Variants in GALM observed in about 807,000 individuals in gnomAD.
GALM encodes the protein galactose mutarotase.
In GALM, 43 loss-of-function variants were observed where a neutral mutation model predicts 37.4. The ratio of observed to expected loss-of-function variants is 1.15; its 90% CI spans 0.90 to 1.48. GALM has a LOEUF of 1.48. Ranked by LOEUF, GALM falls within the 40% of genes most tolerant of loss-of-function variation. The pLI, the probability that GALM is intolerant of heterozygous loss-of-function variation, is 0.00. For missense variants in GALM, 456 were observed against 419.1 expected, an observed-to-expected ratio of 1.09 and a Z score of -0.77; for synonymous variants, 199 against 170.6, an observed-to-expected ratio of 1.17 and a Z score of -1.30.
chr2:38,733,995 A>T lies in GALM; in HGVS notation c.*430A>T. On this transcript the variant is annotated 3_prime_UTR_variant, in exon 7 of 7. Transcript: ENST00000272252. ...GCACTCTGGAGTTTTCAAATGTCAC[A>T]TTAGCCTCACCCTGCATGCTAGGAG... 3.8e-6 allele frequency: 1 copy of T among 261,006 alleles called. No individual in the cohort carries two copies. Among genetic ancestry groups the T allele is most frequent in the South Asian group, 5.0e-5 (1 of 19,874 alleles). 16.2% of individuals were successfully genotyped at this position (261,006 alleles called of 1,614,324 possible).
chr2:38,705,448 T>C (rs949685054), intron 4 of GALM, among the ~76,000 whole-genome samples: 1 of 152,140 alleles, frequency 6.6e-6, no homozygotes, highest in Admixed American at 6.5e-5. Context: ...GAGAACCTAA[T>C]GTGGTCAGAG....
chr2:38,672,833 C>T (rs1167669627), intron 1 of GALM, among the ~76,000 whole-genome samples: 1 of 151,384 alleles, frequency 6.6e-6, no homozygotes, highest in Non-Finnish European at 1.5e-5. Context: ...ATGGTGAAAA[C>T]CCATCTCTAT....
chr2:38,732,001 T>A, intron 6 of GALM, 92 bp downstream of exon 6: 1 of 1,063,642 alleles, frequency 9.4e-7, no homozygotes, highest in Non-Finnish European at 1.4e-6. Context: ...CTTGTATGAT[T>A]CAAAAGTTCA....
At chr2:38,675,524 TTGTTTTTTTTTTTTTTTTTTG>T (rs1473971753) in intron 1 of GALM, among the ~76,000 whole-genome samples, 39 of 96,864 alleles carry the variant, frequency 4.0e-4, no homozygotes, top group African/African-American at 1.6e-3. Flanking sequence ...GAGGGTTTTT[TTGTTTTTTTTTTTTTTTTTTG>T]TGTGTGTGTG....
chr2:38,672,551 C>T (rs1223746903), intron 1 of GALM, among the ~76,000 whole-genome samples: 12 of 152,104 alleles, frequency 7.9e-5, no homozygotes, highest in Admixed American at 7.9e-4. Flanking sequence ...TAATTTGATA[C>T]TGAAGAACAT....
intron 4 of GALM, among the ~76,000 whole-genome samples, chr2:38,722,054 C>T (rs1215077028): frequency 4.1e-5 from 5 of 122,084 alleles, no homozygotes; most frequent in African/African-American, 8.9e-5. Flanking sequence ...CCCCCCCCCA[C>T]CTAGAACAGA....
intron 3 of GALM, among the ~76,000 whole-genome samples, chr2:38,683,109 G>A (rs1665438522): frequency 6.6e-6 from 1 of 152,054 alleles, no homozygotes; most frequent in African/African-American, 2.4e-5. Context: ...ATAGGGAGGG[G>A]AGATCTAAAG....
chr2:38,678,355 T>C (rs1665311141), intron 2 of GALM, among the ~76,000 whole-genome samples: 1 of 151,916 alleles, frequency 6.6e-6, no homozygotes, highest in Admixed American at 6.6e-5. Context: ...GGATTTGAAA[T>C]GGTATAAGAA....
At chr2:38,676,738 G>A (rs1387233467) in intron 2 of GALM, among the ~76,000 whole-genome samples, 1 of 152,132 alleles carries the variant, frequency 6.6e-6, no homozygotes. Context: ...ACTCCAGCCT[G>A]GGCAACAGAG....
rs568308908 is a variant in GALM, at chr2:38,731,322, G to A, written c.777-413G>A. 2.9e-4 allele frequency among the ~76,000 whole-genome samples: 44 copies of A among 149,306 alleles called. 1 individual carries two copies. The highest frequency in any genetic ancestry group is 2.8e-3 in the South Asian group (13 of 4,656). ...TGAAGTGGGAGAATTGCTTGAGCCC[G>A]GGAGGCTGAGGTTGCAGTGAGCCGA... On this transcript the variant is annotated intron_variant, in intron 5 of 6. Transcript: ENST00000272252.
intron 1 of GALM, among the ~76,000 whole-genome samples, chr2:38,673,429 A>C (rs1009648238): frequency 6.6e-6 from 1 of 152,206 alleles, no homozygotes; most frequent in Non-Finnish European, 1.5e-5. Context: ...GAGGAATTTA[A>C]AGAGAAGAAA....
chr2:38,691,929 C>G (rs1015155350), intron 4 of GALM, among the ~76,000 whole-genome samples: 2 of 152,022 alleles, frequency 1.3e-5, no homozygotes, highest in Non-Finnish European at 2.9e-5. Flanking sequence ...GCAGATTATC[C>G]AAACGTATCT....
At chr2:38,671,292 T>C (rs1159272339) in intron 1 of GALM, 2 of 152,208 alleles carry the variant, frequency 1.3e-5, no homozygotes, top group Non-Finnish European at 2.9e-5. Flanking sequence ...ATTAGTCCAC[T>C]GCTATAGAAG....
chr2:38,704,027 G>GAATA (rs537532322), intron 4 of GALM, among the ~76,000 whole-genome samples: 33 of 145,840 alleles, frequency 2.3e-4, no homozygotes, highest in East Asian at 4.3e-4. Context: ...AAAAATAAAT[G>GAATA]AATAAATAAA....
chr2:38,666,706 G>C (rs948789395), intron 1 of GALM, among the ~76,000 whole-genome samples: 4 of 152,208 alleles, frequency 2.6e-5, no homozygotes, highest in African/African-American at 9.7e-5. Flanking sequence ...GGAAAGAGCA[G>C]GCAAGAGGGG....
chr2:38,701,041 A>G (rs1429615239), intron 4 of GALM, among the ~76,000 whole-genome samples: 2 of 152,230 alleles, frequency 1.3e-5, no homozygotes, highest in Non-Finnish European at 2.9e-5. Flanking sequence ...CATGTCAGGC[A>G]TTTAGCTTCA....
At chr2:38,688,858 C>A (rs1383984450) in intron 3 of GALM, among the ~76,000 whole-genome samples, 1 of 152,012 alleles carries the variant, frequency 6.6e-6, no homozygotes, top group Non-Finnish European at 1.5e-5. Context: ...CTCTTGATGC[C>A]CAGGCTGGAG....
intron 3 of GALM, among the ~76,000 whole-genome samples, chr2:38,683,509 T>G (rs1665448334): frequency 6.6e-6 from 1 of 152,212 alleles, no homozygotes; most frequent in Non-Finnish European, 1.5e-5. Context: ...TGACTACTTC[T>G]GAGCGTCATG....
At chr2:38,706,472 C>T (rs1345207126) in intron 4 of GALM, among the ~76,000 whole-genome samples, 5 of 138,836 alleles carry the variant, frequency 3.6e-5, no homozygotes, top group Non-Finnish European at 6.1e-5. Flanking sequence ...CCCAGGAGTT[C>T]GAGACCAGCC....
Sources: gnomAD v4.1 joint callset for allele counts (sites outside exome capture counted in the v4.1 genomes callset) on GRCh38, gnomAD v4.1.1 for gene constraint, MANE v1.5 for transcripts, NCBI Gene and HGNC (gene_info 2026-07-23, HGNC 2026-07-21) for gene names.